The following HK1 variants were observed in gnomAD, a reference collection of about 807,000 sequenced individuals.
The protein encoded by HK1 is hexokinase-1.
HK1 carries 28 observed loss-of-function variants against 91.6 expected under a neutral mutation model. The observed-to-expected ratio is 0.31, with a 90% CI of 0.23 to 0.42. The LOEUF is 0.42. Ranked by LOEUF, HK1 falls within the 10% of genes least tolerant of loss-of-function variation. The pLI is 1.00. For synonymous variants in HK1, 430 were observed against 468.1 expected (o/e 0.92, Z 1.05); for missense variants, 770 against 1,219.8 (o/e 0.63, Z 5.49).
intron 3 of HK1, among the ~76,000 whole-genome samples, chr10:69,360,641 C>T (rs1032680980): frequency 2.0e-5 from 3 of 152,190 alleles, no homozygotes; most frequent in African/African-American, 4.8e-5. Flanking sequence ...CACGCTGGGC[C>T]CCCAGGAAGG....
At chr10:69,393,117 G>C (rs547904476) in intron 15 of HK1, among the ~76,000 whole-genome samples, 1 of 152,240 alleles carries the variant, frequency 6.6e-6, no homozygotes, top group Admixed American at 6.5e-5. Context: ...CAGTAGCTGG[G>C]ATTACAGGCA....
intron 8 of HK1, among the ~76,000 whole-genome samples, chr10:69,379,499 C>T (rs1270302092): frequency 6.6e-6 from 1 of 152,184 alleles, no homozygotes; most frequent in Non-Finnish European, 1.5e-5. Flanking sequence ...GTATAAGCAT[C>T]CAGGGGCAAC....
upstream of HK1, among the ~76,000 whole-genome samples, chr10:69,311,255 T>A (rs1846363518): frequency 6.6e-6 from 1 of 152,194 alleles, no homozygotes; most frequent in Non-Finnish European, 1.5e-5. Flanking sequence ...TGATGAAGTA[T>A]GTCTGACACC....
chr10:69,302,470 GTTCACACCA>G, intron 5 of HK1, among the ~76,000 whole-genome samples: 1 of 149,398 alleles, frequency 6.7e-6, no homozygotes, highest in East Asian at 2.1e-4. Context: ...CGCCTCCCGG[GTTCACACCA>G]TTCTCCTGCC....
At chr10:69,284,720 C>T (rs776432460) in intron 2 of HK1, among the ~76,000 whole-genome samples, 30 of 152,142 alleles carry the variant, frequency 2.0e-4, no homozygotes, top group Non-Finnish European at 4.1e-4. Flanking sequence ...CTTACTGCAA[C>T]CTCCGCCTCC....
At chr10:69,278,064 C>T (rs1439701797) in intron 1 of HK1, among the ~76,000 whole-genome samples, 5 of 151,150 alleles carry the variant, frequency 3.3e-5, no homozygotes, top group Non-Finnish European at 7.4e-5. Context: ...TTATAGTGAA[C>T]TGTGGAGGGA....
At chr10:69,330,885 CT>C (rs1254023279) in intron 1 of HK1, among the ~76,000 whole-genome samples, 281 of 143,616 alleles carry the variant, frequency 2.0e-3, no homozygotes, top group Non-Finnish European at 2.3e-3. Context: ...TTCTTTTTTT[CT>C]TTTTTTTTTT....
chr10:69,308,902 C>T (rs1269857250), intron 5 of HK1, among the ~76,000 whole-genome samples: 3 of 152,166 alleles, frequency 2.0e-5, no homozygotes, highest in Non-Finnish European at 2.9e-5. Flanking sequence ...CGGTAATGCT[C>T]GCTCACCTGC....
intron 5 of HK1, among the ~76,000 whole-genome samples, chr10:69,310,144 G>C (rs1251129896): frequency 6.7e-6 from 1 of 150,006 alleles, no homozygotes; most frequent in Non-Finnish European, 1.5e-5. Context: ...AATCTGGCCA[G>C]GCATGGTGGC....
Position 69,369,563 on chromosome 10 carries a change from G to C in HK1, c.814G>C (p.Asp272His), listed in dbSNP as rs755788387. ...GAFGDDGSLE[D>H]IRTEFDREID... ...CTTTGGAGACGATGGATCATTAGAA[G>C]ACATCCGGACAGAGTTTGACAGGGA... The change falls in exon 7 of 18, where the codon GAC (aspartate) becomes CAC (histidine). Residue 272 changes from aspartate to histidine, a missense_variant. Physicochemically the swap from Asp to His is moderately conservative, Grantham distance 81. Coordinates refer to ENST00000359426, the MANE Select transcript of HK1 (RefSeq NM_000188.3). This position sits in a 1 kb window ranked among gnomAD's most constrained non-coding sequence, Gnocchi z 4.4. The C allele has an allele frequency of 6.2e-7, 1 of 1,614,228 alleles. No homozygotes were observed. Among genetic ancestry groups the C allele is most frequent in the Non-Finnish European group, 8.5e-7 (1 of 1,180,042 alleles).
At chr10:69,358,863 C>CAAAA (rs771610951) in intron 2 of HK1, among the ~76,000 whole-genome samples, 10 of 80,444 alleles carry the variant, frequency 1.2e-4, no homozygotes, top group African/African-American at 4.6e-4. Flanking sequence ...AGCTCTGTCT[C>CAAAA]AAAAAAAAAA....
intron 3 of HK1, 132 bp downstream of exon 3, chr10:69,360,177 C>A (rs1461398145): frequency 1.2e-6 from 1 of 866,730 alleles, no homozygotes; most frequent in East Asian, 2.6e-5. Context: ...CTCATAGATG[C>A]ATATGTAAAA....
rs544900738 is a variant in HK1, at chr10:69,287,093, GA to G, written c.-214-1570del. 7.7e-3 allele frequency among the ~76,000 whole-genome samples: 1,163 copies of G among 151,566 alleles called. 9 individuals are homozygous for G. Among genetic ancestry groups the G allele is most frequent in the Non-Finnish European group, 0.011 (769 of 67,874 alleles). On this transcript the variant is annotated intron_variant, in intron 2 of 21. Transcript: ENST00000360289. ...ATAACATCACACAAGTATTTCAGTT[GA>G]AAAAAAAGAAAAGAAAGAAAAAGAA...
intron 2 of HK1, among the ~76,000 whole-genome samples, chr10:69,285,832 T>C (rs1412250119): frequency 6.6e-6 from 1 of 152,172 alleles, no homozygotes; most frequent in Non-Finnish European, 1.5e-5. Flanking sequence ...AAACACTCTC[T>C]AGACAAAAAG....
intron 1 of HK1, among the ~76,000 whole-genome samples, chr10:69,276,118 A>AAAAAAAAAATATATATAT: frequency 2.6e-5 from 1 of 38,270 alleles, no homozygotes; most frequent in African/African-American, 7.5e-5. Context: ...AAAAAAAAAA[A>AAAAAAAAAATATATATAT]ATACATATAT....
At chr10:69,325,679 G>C (rs1304511286) in intron 1 of HK1, among the ~76,000 whole-genome samples, 1 of 151,698 alleles carries the variant, frequency 6.6e-6, no homozygotes, top group Non-Finnish European at 1.5e-5. Context: ...TGGGATTACA[G>C]TCGCCTGCCA....
chr10:69,325,789 G>C (rs527890340), intron 1 of HK1, among the ~76,000 whole-genome samples: 2 of 150,846 alleles, frequency 1.3e-5, no homozygotes, highest in East Asian at 3.9e-4. Context: ...TGCCCGCCTT[G>C]GCCTCCCGAA....
chr10:69,276,274 A>G (rs1189454842), intron 1 of HK1, among the ~76,000 whole-genome samples: 1 of 151,404 alleles, frequency 6.6e-6, no homozygotes, highest in Non-Finnish European at 1.5e-5. Context: ...AGAAAAATAC[A>G]TTTAAATTTA....
intron 1 of HK1, chr10:69,338,275 A>C (rs1848100879): frequency 8.5e-7 from 1 of 1,171,130 alleles, no homozygotes; most frequent in South Asian, 1.7e-5. Context: ...GCAGCGGTGG[A>C]CAGAGGCCCT....
Sources: allele counts gnomAD v4.1 joint callset (sites outside exome capture counted in the v4.1 genomes callset), GRCh38; gene constraint gnomAD v4.1.1; non-coding constraint Gnocchi (gnomAD v3.1); transcripts MANE v1.5; gene names NCBI Gene and HGNC (gene_info 2026-07-23, HGNC 2026-07-21).